GOLGA8B: variants seen among roughly 807,000 people sequenced by gnomAD.
GOLGA8B encodes the protein golgin A8 family member B.
GOLGA8B carries 1 observed loss-of-function variant against 15.6 expected under a neutral mutation model. The observed-to-expected ratio is 0.06, with a 90% CI of 0.02 to 0.30. GOLGA8B has a LOEUF of 0.30. Ranked by LOEUF, GOLGA8B falls within the 10% of genes least tolerant of loss-of-function variation. GOLGA8B has a pLI of 1.00. For synonymous variants in GOLGA8B, 9 were observed against 80.3 expected (o/e 0.11, Z 4.75); for missense variants, 17 against 201.3 (o/e 0.08, Z 5.54).
intron 1 of GOLGA8B, among the ~76,000 whole-genome samples, chr15:34,562,563 C>T (rs1203330470): frequency 7.7e-6 from 1 of 130,378 alleles, no homozygotes; most frequent in African/African-American, 2.6e-5. Flanking sequence ...ACTCTTTTGT[C>T]CTCTCCCTAG....
chr15:34,572,250 T>G (rs349636), intron 1 of GOLGA8B, among the ~76,000 whole-genome samples: 2 of 152,056 alleles, frequency 1.3e-5, no homozygotes, highest in African/African-American at 4.8e-5. Context: ...AGAGAGCAAT[T>G]TGGCAATATC....
chr15:34,580,474 C>T (rs1889198784), intron 1 of GOLGA8B, among the ~76,000 whole-genome samples: 1 of 98,342 alleles, frequency 1.0e-5, no homozygotes, highest in Non-Finnish European at 2.1e-5. Context: ...TGGCACCCCA[C>T]CAGTACGCAG....
At chr15:34,575,538 C>T (rs962045667) in intron 1 of GOLGA8B, among the ~76,000 whole-genome samples, 1 of 151,758 alleles carries the variant, frequency 6.6e-6, no homozygotes, top group Non-Finnish European at 1.5e-5. Flanking sequence ...TCAGGAACTG[C>T]CCCCCAACCC....
chr15:34,578,391 G>T (rs909699970), intron 1 of GOLGA8B, among the ~76,000 whole-genome samples: 7 of 152,098 alleles, frequency 4.6e-5, no homozygotes, highest in African/African-American at 1.7e-4. Flanking sequence ...TTGAAAATTA[G>T]CCCCTGTACT....
At chr15:34,564,355 TAAAAA>T (rs58970262) in intron 1 of GOLGA8B, among the ~76,000 whole-genome samples, 2 of 105,472 alleles carry the variant, frequency 1.9e-5, no homozygotes, top group Admixed American at 9.7e-5. Flanking sequence ...TGTAGATTCT[TAAAAA>T]AAAAAAAAAA....
chr15:34,570,767 C>T (rs1595709483), intron 1 of GOLGA8B, among the ~76,000 whole-genome samples: 1 of 110,010 alleles, frequency 9.1e-6, no homozygotes, highest in Non-Finnish European at 2.0e-5. Flanking sequence ...ACAGACCAGC[C>T]ATGATCAGCT....
rs1040342944 is a variant in GOLGA8B at position 34,525,107 on chromosome 15, A to G, written c.*2525T>C. The G allele has an allele frequency of 1.3e-5, 2 of 149,654 alleles. No homozygotes were observed. Among genetic ancestry groups the G allele is most frequent in the African/African-American group, 4.9e-5 (2 of 40,428 alleles). The allele number at this position is 149,654 out of a possible 1,614,324, so 9.3% of individuals were successfully genotyped here. A position where few individuals can be genotyped will look rare whatever the true frequency, so the allele number is the denominator to read the frequency against. On this transcript the variant is annotated 3_prime_UTR_variant, in exon 24 of 24. Coordinates refer to ENST00000683415, the MANE Select transcript of GOLGA8B (RefSeq NM_001023567.5). ...TTCACCCCATAACTTTTTTAATCCCATACCTTTTTTATTTTGTGTTCTTTT... is the reference window on the plus strand; with the variant it reads ...TTCACCCCATAACTTTTTTAATCCCGTACCTTTTTTATTTTGTGTTCTTTT...
chr15:34,581,629 C>T (rs1428837844), intron 1 of GOLGA8B: 5 of 151,914 alleles, frequency 3.3e-5, no homozygotes, highest in Admixed American at 2.6e-4. Flanking sequence ...AACAAGTTAA[C>T]CAGCAGGCCA....
chr15:34,547,099 G>C (rs1389048803), intron 4 of GOLGA8B, 117 bp from the exon 5 acceptor site: 2 of 64,586 alleles, frequency 3.1e-5, no homozygotes, highest in African/African-American at 9.0e-5. Context: ...GAAGCTTTTA[G>C]AAAACTACTA....
intron 1 of GOLGA8B, among the ~76,000 whole-genome samples, chr15:34,569,976 T>G (rs1055618980): frequency 1.2e-4 from 18 of 152,012 alleles, no homozygotes; most frequent in Non-Finnish European, 2.1e-4. Flanking sequence ...GGGTGGGGGC[T>G]CCCCTCAACC....
chr15:34,567,254 G>A (rs1465644547), intron 1 of GOLGA8B, among the ~76,000 whole-genome samples: 1 of 145,762 alleles, frequency 6.9e-6, no homozygotes, highest in Non-Finnish European at 1.5e-5. Context: ...CAACAGGGCA[G>A]CCCACGGACA....
Position 34,579,086 on chromosome 15 carries a change from C to A in GOLGA8B, c.-1123+4430G>T, listed in dbSNP as rs570516636. ...CTCAAAACAACCACAGGCAAGAGGC[C>A]TCATGCGCACATTGCAGATGCTGAG... On this transcript the variant is annotated intron_variant, in intron 1 of 23. Transcript: ENST00000683415. 1.0e-3 allele frequency among the ~76,000 whole-genome samples: 158 copies of A among 152,092 alleles called. 1 individual carries two copies. Among genetic ancestry groups the A allele is most frequent in the Middle Eastern group, 3.4e-3 (1 of 294 alleles).
chr15:34,573,179 G>C (rs1052609263), intron 1 of GOLGA8B, among the ~76,000 whole-genome samples: 1 of 152,166 alleles, frequency 6.6e-6, no homozygotes, highest in Non-Finnish European at 1.5e-5. Context: ...TACCCAAGCA[G>C]CCTCTAGTTG....
chr15:34,557,780 T>C (rs1411078382), intron 1 of GOLGA8B, among the ~76,000 whole-genome samples: 7 of 75,260 alleles, frequency 9.3e-5, no homozygotes, highest in South Asian at 5.0e-4. Flanking sequence ...CTAGAACACA[T>C]TGTGTCAGTT....
At chr15:34,576,532 T>C (rs944970133) in intron 1 of GOLGA8B, among the ~76,000 whole-genome samples, 2 of 152,162 alleles carry the variant, frequency 1.3e-5, no homozygotes, top group African/African-American at 4.8e-5. Context: ...CCTCTCCAGG[T>C]ACCTGAACCT....
At chr15:34,549,275 G>A (rs1595701073) in intron 4 of GOLGA8B, among the ~76,000 whole-genome samples, 4 of 73,896 alleles carry the variant, frequency 5.4e-5, no homozygotes, top group East Asian at 3.5e-4. Flanking sequence ...TATAAAACTA[G>A]ACACAAGTCT....
chr15:34,573,709 T>G (rs1888988522), intron 1 of GOLGA8B, among the ~76,000 whole-genome samples: 1 of 152,114 alleles, frequency 6.6e-6, no homozygotes, highest in Admixed American at 6.5e-5. Flanking sequence ...AATCTAAAAA[T>G]TCTTCCTTCC....
At chr15:34,572,797 G>C (rs1332587003) in intron 1 of GOLGA8B, among the ~76,000 whole-genome samples, 2 of 152,174 alleles carry the variant, frequency 1.3e-5, no homozygotes, top group Non-Finnish European at 1.5e-5. Context: ...GATATTTAAA[G>C]GATCTCAAGA....
chr15:34,573,886 C>A (rs1361711065), intron 1 of GOLGA8B, among the ~76,000 whole-genome samples: 21 of 151,082 alleles, frequency 1.4e-4, no homozygotes, highest in Middle Eastern at 6.8e-3. Context: ...CTCCCAGGTA[C>A]CTGTGGAGTC....
Sources: allele counts gnomAD v4.1 joint callset (sites outside exome capture counted in the v4.1 genomes callset), GRCh38; gene constraint gnomAD v4.1.1; transcripts MANE v1.5; gene names NCBI Gene and HGNC (gene_info 2026-07-23, HGNC 2026-07-21).